CHRD: variants seen among roughly 807,000 people sequenced by gnomAD.
The protein encoded by CHRD is chordin.
A neutral mutation model predicts 113.7 loss-of-function variants in CHRD; 69 were observed. That is an observed-to-expected ratio of 0.61 (90% CI 0.50 to 0.74). The LOEUF (loss-of-function observed/expected upper bound fraction) is 0.74. Among genes scored for constraint, CHRD ranks in the 30% least tolerant of loss-of-function variants. The pLI is 0.00. For missense variants in CHRD, 1,194 were observed against 1,295.8 expected, an observed-to-expected ratio of 0.92 and a Z score of 1.21; for synonymous variants, 561 against 540.8, an observed-to-expected ratio of 1.04 and a Z score of -0.52.
At position 184,386,278 on chromosome 3, in the gene CHRD, GC is replaced by G. The variant is rs548925859; in HGVS notation, c.1932+126del. ...GTCCTGGGGGTGGTCGTATCACAGC[GC>G]CCCCCCGGCTGGTGGGGAGGATGAG... is the stretch of plus-strand genomic sequence containing the variant. On this transcript the variant is annotated intron_variant, in intron 15 of 22. Transcript: ENST00000204604. 363 of 1,237,794 alleles carry G rather than the reference GC, an allele frequency of 2.9e-4. 2 individuals carry two copies. The African/African-American group carries it at 4.5e-3, about 16-fold the overall frequency. The allele number at this position is 1,237,794 out of a possible 1,614,324, so 76.7% of individuals were successfully genotyped here.
chr3:184,380,414 C>A lies in CHRD; in HGVS notation c.96C>A (p.Pro32=), dbSNP rs749520302. 3.5e-5 allele frequency: 47 copies of A among 1,335,296 alleles called. No homozygotes were observed. The Admixed American group carries it at 7.4e-4, about 21-fold the overall frequency. The allele number at this position is 1,335,296 out of a possible 1,614,324, so 82.7% of individuals were successfully genotyped here. A position where few individuals can be genotyped will look rare whatever the true frequency, so the allele number is the denominator to read the frequency against. Residue 32 remains proline, a synonymous_variant, in exon 1 of 23, where the codon CCC becomes CCA. Coordinates refer to ENST00000204604, the Ensembl canonical transcript of CHRD. The surrounding 1 kb of genome is among the most constrained non-coding windows in gnomAD (Gnocchi z 6.3). ...CCCGCGGCGCCGGCCCAGAGCCCCCCGTGCTGCCCATCCGTTCTGAGAAGG... is the reference window on the plus strand; with the variant it reads ...CCCGCGGCGCCGGCCCAGAGCCCCCAGTGCTGCCCATCCGTTCTGAGAAGG...
Position 184,387,609 on chromosome 3 carries a change from T to C in CHRD, c.2451+132T>C. The C allele has an allele frequency of 1.2e-6, 1 of 856,928 alleles. No individual in the cohort carries two copies. Among genetic ancestry groups the C allele is most frequent in the Non-Finnish European group, 1.8e-6 (1 of 569,526 alleles). The allele number at this position is 856,928 out of a possible 1,614,324, so 53.1% of individuals were successfully genotyped here. ...ATCAAAACGATATGAGAAAAGGCCC[T>C]TGCGCTCTGAGAGTCGGCTTCCTGT... On this transcript the variant is annotated intron_variant, in intron 19 of 22. Transcript: ENST00000204604. The surrounding 1 kb of genome is among the most constrained non-coding windows in gnomAD (Gnocchi z 6.1).
chr3:184,382,589 G>A lies in CHRD; in HGVS notation c.842-45G>A, dbSNP rs201668530. ...GAGTCTTCTCTATCACCCAGGAAAG[G>A]GGGGGAGGGTTTCTGACGGGCTCTC... is the stretch of plus-strand genomic sequence containing the variant. On this transcript the variant is annotated intron_variant, in intron 7 of 22. Coordinates refer to ENST00000204604, the Ensembl canonical transcript of CHRD. 1.7e-3 allele frequency: 2,677 copies of A among 1,610,874 alleles called. 14 individuals carry two copies. Among genetic ancestry groups the A allele is most frequent in the Non-Finnish European group, 1.4e-3 (1,641 of 1,177,826 alleles).
At position 184,388,643 on chromosome 3, in the gene CHRD, G is replaced by A. The variant is rs1716756918; in HGVS notation, c.2611G>A (p.Gly871Ser). ...CCCCATGCAGGCTGATGGGCCCCGG[G>A]GCTGCCGTTTTGCTGGGCAGTGGTT... The change falls in exon 21 of 23, where the codon GGC becomes AGC. Residue 871 changes from glycine (G) to serine (S), a missense_variant. Transcript: ENST00000204604. The surrounding 1 kb of genome is among the most constrained non-coding windows in gnomAD (Gnocchi z 6.1). The A allele has an allele frequency of 1.2e-6, 2 of 1,613,594 alleles. No individual in the cohort carries two copies. Among genetic ancestry groups the A allele is most frequent in the Non-Finnish European group, 1.7e-6 (2 of 1,180,030 alleles).
chr3:184,382,089 C>T (rs1715532278), intron 6 of CHRD, 69 bp downstream of exon 6: 2 of 1,581,902 alleles, frequency 1.3e-6, no homozygotes, highest in Non-Finnish European at 1.7e-6. Flanking sequence ...TCTGCATTGC[C>T]TCCCGTGGTC....
exon 6 of CHRD, chr3:184,382,003 C>T: frequency 1.9e-6 from 3 of 1,614,008 alleles, no homozygotes; most frequent in South Asian, 2.2e-5. Context: ...CCCTGCAGCC[C>T]CCACCCAAGA....
At chr3:184,389,733 C>CG in exon 23 of CHRD, 3 of 324,602 alleles carry the variant, frequency 9.2e-6, no homozygotes, top group South Asian at 5.2e-5. Flanking sequence ...CTTCACTCAG[C>CG]ACCAAGGGCC....
intron 6 of CHRD, 21 bp downstream of exon 6, chr3:184,382,041 A>C (rs1381122042): frequency 1.2e-6 from 2 of 1,612,784 alleles, no homozygotes; most frequent in African/African-American, 1.3e-5. Context: ...GCCATTTATG[A>C]GCACTTGCCC....
exon 23 of CHRD, chr3:184,389,682 C>T: frequency 2.0e-6 from 1 of 500,478 alleles, no homozygotes; most frequent in Non-Finnish European, 3.6e-6. Context: ...CCCTTTCCTC[C>T]TGTACATAAT....
At chr3:184,390,210 TCCC>T (rs1716965887), downstream of CHRD, 2 of 15,414 alleles carry the variant, frequency 1.3e-4, no homozygotes, top group Non-Finnish European at 2.6e-4. Context: ...TCCCCTCCCC[TCCC>T]CTCCCCTCCC....
chr3:184,387,689 G>C lies in CHRD; in HGVS notation c.2451+212G>C, dbSNP rs949934080. 2.6e-5 allele frequency among the ~76,000 whole-genome samples: 4 copies of C among 152,188 alleles called. No individual in the cohort carries two copies. Among genetic ancestry groups the C allele is most frequent in the African/African-American group, 9.7e-5 (4 of 41,448 alleles). On this transcript the variant is annotated intron_variant, in intron 19 of 22. Coordinates refer to ENST00000204604, the Ensembl canonical transcript of CHRD. This position sits in a 1 kb window ranked among gnomAD's most constrained non-coding sequence, Gnocchi z 6.1. ...GGATTCTGGCTCTGCCAGCTAACTA[G>C]TGCCAGTGACCCTAGGCACCTTCTG...
At chr3:184,385,913 T>C in intron 14 of CHRD, 133 bp from the exon 15 acceptor site, 1 of 887,622 alleles carries the variant, frequency 1.1e-6, no homozygotes, top group Non-Finnish European at 1.8e-6. Flanking sequence ...CTCCACACTA[T>C]TGCCAATGGG....
rs1225723523 is a variant in CHRD at position 184,381,350 on chromosome 3, A to C, written c.368A>C (p.Gln123Pro). 2 of 1,598,160 alleles carry C rather than the reference A, an allele frequency of 1.3e-6. No individual in the cohort carries two copies. Among genetic ancestry groups the C allele is most frequent in the South Asian group, 2.2e-5 (2 of 89,456 alleles). Residue 123 changes from glutamine to proline, a missense_variant, in exon 3 of 23, where the codon CAG becomes CCG. Transcript: ENST00000204604. This position sits in a 1 kb window ranked among gnomAD's most constrained non-coding sequence, Gnocchi z 4.7. Reference sequence around the variant, plus strand: ...CGCCAGCTGCCGGGACACTGCTGCCAGACCTGCCCCCAGGGTAAGTCTTGC... The same window carrying C: ...CGCCAGCTGCCGGGACACTGCTGCCCGACCTGCCCCCAGGGTAAGTCTTGC...
At chr3:184,390,563 T>G (rs1018592206), downstream of CHRD, 2 of 151,732 alleles carry the variant, frequency 1.3e-5, no homozygotes, top group African/African-American at 4.8e-5. Context: ...CCAAATCATG[T>G]AGAGAATAAG....
rs377128785 is a variant in CHRD at position 184,381,388 on chromosome 3, G to A, written c.382+24G>A. The A allele has an allele frequency of 1.2e-5, 19 of 1,590,726 alleles. No homozygotes were observed. Among genetic ancestry groups the A allele is most frequent in the Admixed American group, 5.3e-5 (3 of 56,404 alleles). On this transcript the variant is annotated intron_variant, in intron 3 of 22. Transcript: ENST00000204604. The surrounding 1 kb of genome is among the most constrained non-coding windows in gnomAD (Gnocchi z 4.7). ...GGGTAAGTCTTGCTCCGCCCTGCGGGGAGGGAGGCAGGGCCACGATACTAG... is the reference window on the plus strand; with the variant it reads ...GGGTAAGTCTTGCTCCGCCCTGCGGAGAGGGAGGCAGGGCCACGATACTAG...
chr3:184,389,802 T>C (rs935724874), exon 23 of CHRD: 2 of 181,594 alleles, frequency 1.1e-5, no homozygotes, highest in African/African-American at 4.7e-5. Context: ...GAGAGTTTTG[T>C]ATTTATTAAA....
exon 23 of CHRD, chr3:184,389,485 G>T: frequency 2.0e-6 from 3 of 1,479,688 alleles, no homozygotes; most frequent in Non-Finnish European, 2.8e-6. Context: ...GGGTGGCATC[G>T]AGGACCTTCT....
At position 184,381,014 on chromosome 3, in the gene CHRD, T is replaced by C; in HGVS notation, c.252+219T>C. 1 of 740,184 alleles carries C rather than the reference T, an allele frequency of 1.4e-6. No homozygotes were observed. 45.9% of individuals were successfully genotyped at this position (740,184 alleles called of 1,614,324 possible). On this transcript the variant is annotated intron_variant, in intron 2 of 22. Coordinates refer to ENST00000204604, the Ensembl canonical transcript of CHRD. The surrounding 1 kb of genome is among the most constrained non-coding windows in gnomAD (Gnocchi z 4.7). Reference sequence around the variant, plus strand: ...TCTGTGCCAACTCCGTTTCGTTCCCTGCTCATCTAACTCTCATGGCAGCCT... The same window carrying C: ...TCTGTGCCAACTCCGTTTCGTTCCCCGCTCATCTAACTCTCATGGCAGCCT...
downstream of CHRD, chr3:184,390,636 C>T (rs974815471): frequency 6.6e-6 from 1 of 152,008 alleles, no homozygotes; most frequent in Non-Finnish European, 1.5e-5. Flanking sequence ...CCATCAAGAC[C>T]CAGGCATTTT....
Sources: gnomAD v4.1 joint callset for allele counts (sites outside exome capture counted in the v4.1 genomes callset) on GRCh38, gnomAD v4.1.1 for gene constraint, Gnocchi (gnomAD v3.1) non-coding constraint, MANE v1.5 for transcripts, NCBI Gene and HGNC (gene_info 2026-07-23, HGNC 2026-07-21) for gene names.